FRMD3: variants seen among roughly 807,000 people sequenced by gnomAD.
The protein encoded by FRMD3 is FERM domain containing 3.
FRMD3 carries 33 observed loss-of-function variants against 70.2 expected under a neutral mutation model. That is an observed-to-expected ratio of 0.47 (90% CI 0.36 to 0.63). The LOEUF (loss-of-function observed/expected upper bound fraction) is 0.63. FRMD3 is among the 20% of genes least tolerant of loss of function. The pLI is 0.00. For synonymous variants in FRMD3, 279 were observed against 255.9 expected, an observed-to-expected ratio of 1.09 and a Z score of -0.86; for missense variants, 632 against 711.4, an observed-to-expected ratio of 0.89 and a Z score of 1.27.
intron 12 of FRMD3, 83 bp downstream of exon 12, chr9:83,298,665 T>C: frequency 9.8e-7 from 1 of 1,019,528 alleles, no homozygotes; most frequent in South Asian, 1.3e-5. Context: ...ATGCTGTATG[T>C]CACTACACAA....
intron 1 of FRMD3, among the ~76,000 whole-genome samples, chr9:83,528,211 TAGAGA>T (rs1829723407): frequency 6.6e-6 from 1 of 152,122 alleles, no homozygotes; most frequent in Non-Finnish European, 1.5e-5. Context: ...AGGATTCAGT[TAGAGA>T]GCAAGTGAAA....
intron 2 of FRMD3, among the ~76,000 whole-genome samples, chr9:83,386,973 C>T (rs567100518): frequency 7.2e-5 from 11 of 152,020 alleles, no homozygotes; most frequent in Non-Finnish European, 1.5e-4. Context: ...TCAGGAGGTA[C>T]CTGATGTTAA....
At chr9:83,490,794 T>TCACACACA (rs762233137) in intron 1 of FRMD3, among the ~76,000 whole-genome samples, 10 of 120,636 alleles carry the variant, frequency 8.3e-5, no homozygotes, top group East Asian at 7.6e-4. Context: ...TCTCTCTCTC[T>TCACACACA]CTCTCACACA....
At chr9:83,544,967 A>C in the FRMD3 span, among the ~76,000 whole-genome samples, 1 of 152,204 alleles carries the variant, frequency 6.6e-6, no homozygotes. Flanking sequence ...CAGCAGCATG[A>C]AAAAAAGAGT....
intron 3 of FRMD3, among the ~76,000 whole-genome samples, chr9:83,360,495 T>C (rs777231012): frequency 6.6e-5 from 10 of 152,168 alleles, no homozygotes; most frequent in Admixed American, 2.0e-4. Context: ...CAGACACTCA[T>C]GCTGCCAGCA....
rs540869826 is a variant in FRMD3 at position 83,320,141 on chromosome 9, CT to C, written c.597-6395del. On this transcript the variant is annotated intron_variant, in intron 6 of 13. Transcript: ENST00000304195. ...ACTTCCTTTTTTCCAACTTGGATGT[CT>C]TTTTTTTTCTCTAGTCTGATTGCTC... is the stretch of plus-strand genomic sequence containing the variant. Among the ~76,000 whole-genome samples the C allele has an allele frequency of 3.7e-3, 553 of 151,484 alleles. 4 individuals carry two copies. Among genetic ancestry groups the C allele is most frequent in the Admixed American group, 0.023 (344 of 15,200 alleles).
At chr9:83,418,991 T>C (rs1161757796) in intron 1 of FRMD3, among the ~76,000 whole-genome samples, 1 of 152,112 alleles carries the variant, frequency 6.6e-6, no homozygotes, top group African/African-American at 2.4e-5. Flanking sequence ...TGCAGCAACT[T>C]GGATGGAGCT....
At chr9:83,542,025 G>T (rs1830005666), upstream of FRMD3, among the ~76,000 whole-genome samples, 1 of 152,018 alleles carries the variant, frequency 6.6e-6, no homozygotes, top group South Asian at 2.1e-4. Context: ...CAATCCTCCT[G>T]CTTGAGCCTC....
intron 1 of FRMD3, among the ~76,000 whole-genome samples, chr9:83,482,441 C>T (rs559634210): frequency 6.2e-4 from 95 of 152,270 alleles, no homozygotes; most frequent in African/African-American, 2.0e-3. Context: ...TCAGACTCTG[C>T]ACTTTTAGCC....
At chr9:83,324,435 A>C (rs1835930944) in intron 6 of FRMD3, among the ~76,000 whole-genome samples, 1 of 152,140 alleles carries the variant, frequency 6.6e-6, no homozygotes, top group South Asian at 2.1e-4. Flanking sequence ...GGGATCATGG[A>C]TGTTTTTTCA....
chr9:83,464,027 C>T (rs974502738), intron 1 of FRMD3, among the ~76,000 whole-genome samples: 1 of 152,206 alleles, frequency 6.6e-6, no homozygotes, highest in African/African-American at 2.4e-5. Flanking sequence ...CTTGGCATAT[C>T]TGTCCAAGTA....
intron 2 of FRMD3, among the ~76,000 whole-genome samples, chr9:83,373,823 C>T (rs1825058471): frequency 6.6e-6 from 1 of 152,128 alleles, no homozygotes; most frequent in African/African-American, 2.4e-5. Context: ...TGGAGGCATC[C>T]CACCTGCTTG....
In FRMD3 at chr9:83,344,911, G is replaced by T. The variant is rs555977791; in HGVS notation, c.375-1624C>A. On this transcript the variant is annotated intron_variant, in intron 4 of 13. Transcript: ENST00000304195. ...ACCTCAACTAATAAACGTCTCTAGCGCCCAAGTAATTTAATCTTTACTCAG... is the reference window on the plus strand; with the variant it reads ...ACCTCAACTAATAAACGTCTCTAGCTCCCAAGTAATTTAATCTTTACTCAG... 3.9e-4 allele frequency among the ~76,000 whole-genome samples: 59 copies of T among 151,348 alleles called. 1 individual carries two copies. The highest frequency in any genetic ancestry group is 1.5e-4 in the Non-Finnish European group (10 of 67,912).
At chr9:83,297,896 G>A (rs904490361) in intron 12 of FRMD3, 1 of 465,462 alleles carries the variant, frequency 2.1e-6, no homozygotes, top group South Asian at 1.6e-5. Context: ...CTCCAGGCTG[G>A]CTTAGCCACA....
At chr9:83,568,781 G>A in the FRMD3 span, among the ~76,000 whole-genome samples, 1 of 152,126 alleles carries the variant, frequency 6.6e-6, no homozygotes, top group African/African-American at 2.4e-5. Context: ...GTAAATTTCA[G>A]ATGTCTCAGT....
At chr9:83,467,953 G>A (rs1427732266) in intron 1 of FRMD3, among the ~76,000 whole-genome samples, 1 of 152,038 alleles carries the variant, frequency 6.6e-6, no homozygotes, top group Non-Finnish European at 1.5e-5. Context: ...ACATCAGACA[G>A]GGATGGATCA....
intron 5 of FRMD3, among the ~76,000 whole-genome samples, chr9:83,336,576 T>C (rs891371324): frequency 6.7e-6 from 1 of 148,958 alleles, no homozygotes; most frequent in African/African-American, 2.5e-5. Context: ...AACAAATTGA[T>C]TGCTCTTGAA....
intron 1 of FRMD3, among the ~76,000 whole-genome samples, chr9:83,436,594 C>T (rs1316098955): frequency 6.6e-6 from 1 of 151,636 alleles, no homozygotes; most frequent in African/African-American, 2.4e-5. Context: ...TGCTTATAAA[C>T]TTAAACATAA....
At chr9:83,362,217 A>ATCTCTCTCTCTCTCTCTCTCTC (rs1824614100) in intron 3 of FRMD3, among the ~76,000 whole-genome samples, 1 of 149,106 alleles carries the variant, frequency 6.7e-6, no homozygotes, top group African/African-American at 2.5e-5. Context: ...CTCAATCTCA[A>ATCTCTCTCTCTCTCTCTCTCTC]TCTCAATTTC....
Sources: allele counts gnomAD v4.1 joint callset (sites outside exome capture counted in the v4.1 genomes callset), GRCh38; gene constraint gnomAD v4.1.1; transcripts MANE v1.5; gene names NCBI Gene and HGNC (gene_info 2026-07-23, HGNC 2026-07-21).